HMCN2: variants seen among roughly 807,000 people sequenced by gnomAD.
HMCN2 encodes hemicentin-2.
In HMCN2, 325 loss-of-function variants were observed where a neutral mutation model predicts 377.5. That is an observed-to-expected ratio of 0.86 (90% CI 0.79 to 0.94). The LOEUF is 0.94. HMCN2 is among the 40% of genes least tolerant of loss of function. The pLI is 0.00. For missense variants in HMCN2, 4,543 were observed against 4,725.3 expected, an observed-to-expected ratio of 0.96 and a Z score of 1.13; for synonymous variants, 2,007 against 2,046.8, an observed-to-expected ratio of 0.98 and a Z score of 0.53.
At chr9:130,374,886 G>C (rs1293978721) in intron 49 of HMCN2, among the ~76,000 whole-genome samples, 193 bp downstream of exon 49, 1 of 152,200 alleles carries the variant, frequency 6.6e-6, no homozygotes, top group Non-Finnish European at 1.5e-5. Flanking sequence ...CAACAGGCCT[G>C]ACTGAATCTT....
Position 130,351,622 on chromosome 9 carries a change from A to T in HMCN2, c.4585+45A>T. The T allele has an allele frequency of 2.3e-6, 3 of 1,279,014 alleles. No individual in the cohort carries two copies. The South Asian group carries it at 3.8e-5, about 16-fold the overall frequency. The allele number at this position is 1,279,014 out of a possible 1,614,324, so 79.2% of individuals were successfully genotyped here. A position where few individuals can be genotyped will look rare whatever the true frequency, so the allele number is the denominator to read the frequency against. ...GGGACCCCGCCACAGGCTACTCAGG[A>T]AGCTTCCCACCCAGCTGCCCGCTGC... On this transcript the variant is annotated intron_variant, in intron 30 of 97. Transcript: ENST00000683500. The surrounding 1 kb of genome is among the most constrained non-coding windows in gnomAD (Gnocchi z 5.4).
intron 1 of HMCN2, among the ~76,000 whole-genome samples, chr9:130,276,347 T>C (rs1437951406): frequency 6.6e-6 from 1 of 151,566 alleles, no homozygotes; most frequent in Non-Finnish European, 1.5e-5. Flanking sequence ...CGCAATGACA[T>C]TCCTGAGGGA....
intron 86 of HMCN2, 38 bp downstream of exon 86, chr9:130,419,079 G>A: frequency 6.9e-7 from 1 of 1,452,604 alleles, no homozygotes; most frequent in Non-Finnish European, 9.1e-7. Context: ...GTGGACAGAG[G>A]CAGGATCTCT....
rs1349662847 is a variant in HMCN2 at position 130,391,208 on chromosome 9, C to A, written c.9672C>A (p.Ala3224=). ...RKDFVVAVLV[A]PRIRSSGVAR... ...CTCACTGCACCCCTGCCTCAGTGGC[C>A]CCCCGGATCCGGAGCTCGGGCGTGG... The change falls in exon 64 of 98, where the codon GCC becomes GCA. Residue 3224 remains alanine, a synonymous_variant. Transcript: ENST00000683500. 6 of 987,938 alleles carry A rather than the reference C, an allele frequency of 6.1e-6. No homozygotes were observed. Among genetic ancestry groups the A allele is most frequent in the Non-Finnish European group, 7.2e-6 (6 of 830,262 alleles). 61.2% of individuals were successfully genotyped at this position (987,938 alleles called of 1,614,324 possible).
chr9:130,311,048 G>A (rs1415386582), intron 15 of HMCN2, among the ~76,000 whole-genome samples: 3 of 152,208 alleles, frequency 2.0e-5, no homozygotes, highest in Admixed American at 6.5e-5. Flanking sequence ...TGTGACTTCC[G>A]GGATGTCTCC....
In HMCN2 at chr9:130,375,754, G is replaced by T. The variant is rs149199057; in HGVS notation, c.7804+18G>T. 4.8e-4 allele frequency: 471 copies of T among 985,628 alleles called. 4 individuals are homozygous for T. In the African/African-American group the frequency reaches 7.4e-3, roughly 15 times the overall value. The allele number at this position is 985,628 out of a possible 1,614,324, so 61.1% of individuals were successfully genotyped here. ...GCTCCCAGGTGACGCCCTCTGGGGG[G>T]AAAGGAGGGAGGGAACAGGTGACAT... On this transcript the variant is annotated intron_variant, in intron 50 of 97. Transcript: ENST00000683500.
Position 130,428,303 on chromosome 9 carries a change from C to A in HMCN2, c.14066-55C>A. 6.8e-7 allele frequency: 1 copy of A among 1,470,084 alleles called. No homozygotes were observed. The highest frequency in any genetic ancestry group is 1.4e-5 in the South Asian group (1 of 71,718). 91.1% of individuals were successfully genotyped at this position (1,470,084 alleles called of 1,614,324 possible). ...GATAGGCCGGGCCAGGGTCAGGTGGCGAGGCACGCCTGGGGATCATGTTCA... is the reference window on the plus strand; with the variant it reads ...GATAGGCCGGGCCAGGGTCAGGTGGAGAGGCACGCCTGGGGATCATGTTCA... On this transcript the variant is annotated intron_variant, in intron 92 of 97. Transcript: ENST00000683500. This position sits in a 1 kb window ranked among gnomAD's most constrained non-coding sequence, Gnocchi z 5.0.
At chr9:130,390,157 C>T (rs1345106038) in intron 62 of HMCN2, among the ~76,000 whole-genome samples, 1 of 152,228 alleles carries the variant, frequency 6.6e-6, no homozygotes, top group Non-Finnish European at 1.5e-5. Context: ...GGAATACCCA[C>T]CCAGGCTCCC....
rs61739450 is a variant in HMCN2 at position 130,358,403 on chromosome 9, A to C, written c.5594A>C (p.Asp1865Ala). Reference sequence around the variant, plus strand: ...CCTCCCCTCCAGATTGAGAAGGTGGACCTGAGGGACGAGGGCATCTACACT... The same window carrying C: ...CCTCCCCTCCAGATTGAGAAGGTGGCCCTGAGGGACGAGGGCATCTACACT... ...FGGNLQIEKV[D>A]LRDEGIYTCA... is the part of the protein sequence containing the mutation. Residue 1865 changes from aspartate (D) to alanine (A), a missense_variant, in exon 36 of 98, where the codon GAC becomes GCC. Asp to Ala is a moderately radical substitution (Grantham distance 126). Around this residue, in one of 5 missense-constraint regions of HMCN2, gnomAD observed 1,032 missense variants for 1,285.1 expected, o/e 0.80. Coordinates refer to ENST00000683500, the MANE Select transcript of HMCN2 (RefSeq NM_001291815.2). 7.7e-7 allele frequency: 1 copy of C among 1,304,270 alleles called. No individual in the cohort carries two copies. The highest frequency in any genetic ancestry group is 2.1e-4 in the Middle Eastern group (1 of 4,698). 80.8% of individuals were successfully genotyped at this position (1,304,270 alleles called of 1,614,324 possible).
At chr9:130,388,664 G>A (rs1484100110) in intron 62 of HMCN2, 124 bp downstream of exon 62, 1 of 508,268 alleles carries the variant, frequency 2.0e-6, no homozygotes, top group Non-Finnish European at 2.4e-6. Flanking sequence ...GACTGGCAGT[G>A]CCGTGTTGCC....
chr9:130,408,294 G>T (rs906888469), intron 83 of HMCN2, among the ~76,000 whole-genome samples: 2 of 152,234 alleles, frequency 1.3e-5, no homozygotes, highest in African/African-American at 2.4e-5. Context: ...AGTGTTTTGA[G>T]ATTAGCATGA....
At chr9:130,354,510 G>T (rs1427089288) in intron 31 of HMCN2, among the ~76,000 whole-genome samples, 2 of 152,196 alleles carry the variant, frequency 1.3e-5, no homozygotes, top group Admixed American at 6.5e-5. Flanking sequence ...CTCATGCTGG[G>T]CTTGCCGGGG....
rs1052830361 is a variant in HMCN2, at chr9:130,365,856, C to T, written c.6506-20C>T. ...CATCTCAGCCCCACCCCCACTAACT[C>T]TCTCTCTGCTCTGACTCAGTTGCTC... On this transcript the variant is annotated intron_variant, in intron 42 of 97. Transcript: ENST00000683500. 1 of 985,454 alleles carries T rather than the reference C, an allele frequency of 1.0e-6. No individual in the cohort carries two copies. The highest frequency in any genetic ancestry group is 1.7e-5 in the African/African-American group (1 of 57,230). 61.0% of individuals were successfully genotyped at this position (985,454 alleles called of 1,614,324 possible).
rs1315730248 is a variant in HMCN2, at chr9:130,348,668, C to T, written c.4148C>T (p.Ala1383Val). The part of the protein sequence containing the change: ...PVPEIVWLKD[A>V]QLIPKVGGHR... Reference sequence around the variant, plus strand: ...CCTGAGATCGTGTGGCTGAAGGACGCGCAGCTGGTGGGTGTCCCCCTAGGG... The same window carrying T: ...CCTGAGATCGTGTGGCTGAAGGACGTGCAGCTGGTGGGTGTCCCCCTAGGG... The change falls in exon 27 of 98, where the codon GCG becomes GTG. Residue 1383 changes from alanine (A) to valine (V), a missense_variant. Physicochemically the swap from Ala to Val is moderately conservative, Grantham distance 64. Transcript: ENST00000683500. The T allele has an allele frequency of 1.3e-5, 17 of 1,298,774 alleles. No individual in the cohort carries two copies. The highest frequency in any genetic ancestry group is 4.6e-5 in the Admixed American group (2 of 43,326). The allele number at this position is 1,298,774 out of a possible 1,614,324, so 80.5% of individuals were successfully genotyped here. A position where few individuals can be genotyped will look rare whatever the true frequency, so the allele number is the denominator to read the frequency against.
chr9:130,363,043 G>A, intron 40 of HMCN2, 53 bp downstream of exon 40: 1 of 985,682 alleles, frequency 1.0e-6, no homozygotes, highest in Non-Finnish European at 1.2e-6. Context: ...GGGAGATGGG[G>A]TGGGGGGCAT....
intron 48 of HMCN2, among the ~76,000 whole-genome samples, chr9:130,374,227 T>G (rs1217389915): frequency 6.8e-6 from 1 of 147,078 alleles, no homozygotes; most frequent in Non-Finnish European, 1.5e-5. Flanking sequence ...GGGTGGTGTG[T>G]GGGTGGGTGG....
intron 90 of HMCN2, 49 bp downstream of exon 90, chr9:130,425,973 G>A (rs776412716): frequency 1.5e-6 from 2 of 1,377,516 alleles, no homozygotes; most frequent in African/African-American, 1.4e-5. Flanking sequence ...GCTAAAACCT[G>A]CCAGGGGGCC....
intron 11 of HMCN2, among the ~76,000 whole-genome samples, chr9:130,305,673 G>A (rs782446542): frequency 6.6e-6 from 1 of 152,164 alleles, no homozygotes; most frequent in Non-Finnish European, 1.5e-5. Flanking sequence ...GGATGCGCGG[G>A]CCTGTGAGCT....
chr9:130,321,782 ACCAGCT>A lies in HMCN2; in HGVS notation c.2776-2_2779del, dbSNP rs1400329978. The A allele has an allele frequency of 4.6e-5, 7 of 152,180 alleles. No homozygotes were observed. The highest frequency in any genetic ancestry group is 1.0e-4 in the Non-Finnish European group (7 of 68,070). 9.4% of individuals were successfully genotyped at this position (152,180 alleles called of 1,614,324 possible). ...GCTAAGCTGGTGCTTCCTCACCCCC[ACCAGCT>A]CCCACCTGGCAGCCGGCATTCCATC... is the stretch of plus-strand genomic sequence containing the variant. On this transcript the variant is annotated splice_acceptor_variant and splice_polypyrimidine_tract_variant and coding_sequence_variant and intron_variant, in exon 19 of 98. Transcript: ENST00000683500. LOFTEE classifies it high-confidence loss of function.
Sources: gnomAD v4.1 joint callset for allele counts (sites outside exome capture counted in the v4.1 genomes callset) on GRCh38, gnomAD v4.1.1 for gene constraint, gnomAD v4.1.1 regional missense constraint, Gnocchi (gnomAD v3.1) non-coding constraint, MANE v1.5 for transcripts, NCBI Gene and HGNC (gene_info 2026-07-23, HGNC 2026-07-21) for gene names.